Variants in NUP210 observed in about 807,000 individuals in gnomAD.
The protein encoded by NUP210 is nucleoporin 210, also known as nuclear pore membrane glycoprotein 210.
Under a neutral mutation model 196.0 loss-of-function variants are expected in NUP210, and 151 were observed. The observed-to-expected ratio is 0.77, with a 90% CI of 0.67 to 0.88. The LOEUF is 0.88. Ranked by LOEUF, NUP210 falls within the 40% of genes least tolerant of loss-of-function variation. The pLI, the probability that NUP210 is intolerant of heterozygous loss-of-function variation, is 0.00. For synonymous variants in NUP210, 1,070 were observed against 1,052.7 expected, an observed-to-expected ratio of 1.02 and a Z score of -0.32; for missense variants, 2,314 against 2,493.7, an observed-to-expected ratio of 0.93 and a Z score of 1.53.
intron 31 of NUP210, among the ~76,000 whole-genome samples, chr3:13,328,057 C>T (rs932667804): frequency 1.3e-5 from 2 of 152,192 alleles, no homozygotes; most frequent in African/African-American, 4.8e-5. Flanking sequence ...ACCTTCTGAC[C>T]CTGAGTGCTG....
rs1240541659 is a variant in NUP210 at position 13,371,853 on chromosome 3, A to G, written c.1767T>C (p.Gly589=). 5 of 1,607,528 alleles carry G rather than the reference A, an allele frequency of 3.1e-6. No homozygotes were observed. The highest frequency in any genetic ancestry group is 4.2e-6 in the Non-Finnish European group (5 of 1,177,758). The stretch of plus-strand genomic sequence containing the variant: ...GTTTACCTGGGAGTGGCTGGAACAC[A>G]CCCTGGTTCTCCACCTCGACAGCCA... ...FDLAVEVENQ[G]VFQPLPGRLP... Residue 589 remains glycine, a synonymous_variant, in exon 13 of 40, where the codon GGT becomes GGC. Transcript: ENST00000254508.
Position 13,397,475 on chromosome 3 carries a change from G to A in NUP210, c.318C>T (p.Val106=). ...IFAEDITTGQ[V]LRCDAIVDLI... ...GGTCCACAATGGCATCACAGCGCAG[G>A]ACCTGGCCTGTGGCTGGAGGAACCC... Residue 106 remains valine, a synonymous_variant, in exon 3 of 40, where the codon GTC becomes GTT. Transcript: ENST00000254508. The A allele has an allele frequency of 1.2e-6, 2 of 1,601,974 alleles. No individual in the cohort carries two copies. The highest frequency in any genetic ancestry group is 1.7e-6 in the Non-Finnish European group (2 of 1,174,772).
chr3:13,318,123 G>A (rs1162395438), intron 39 of NUP210, among the ~76,000 whole-genome samples: 2 of 152,196 alleles, frequency 1.3e-5, no homozygotes, highest in East Asian at 1.9e-4. Context: ...AGCGCCACAG[G>A]AACAAAGACC....
intron 13 of NUP210, among the ~76,000 whole-genome samples, chr3:13,367,752 T>C (rs1698590333): frequency 6.6e-6 from 1 of 152,246 alleles, no homozygotes; most frequent in Non-Finnish European, 1.5e-5. Flanking sequence ...GAAGATCCTT[T>C]GTCCACATTC....
intron 3 of NUP210, among the ~76,000 whole-genome samples, chr3:13,393,226 C>T (rs1699547750): frequency 1.3e-5 from 2 of 152,158 alleles, no homozygotes; most frequent in South Asian, 4.1e-4. Context: ...CCAGTGTTCA[C>T]AACGGTCCGC....
intron 31 of NUP210, among the ~76,000 whole-genome samples, 154 bp from the exon 32 acceptor site, chr3:13,327,591 C>T (rs13085948): frequency 0.28 from 42,735 of 152,132 alleles, 6,400 homozygotes; most frequent in Middle Eastern, 0.35. Flanking sequence ...AAGCAGTGGC[C>T]CCAGATGAGG....
chr3:13,345,669 C>T (rs775041033), intron 20 of NUP210, among the ~76,000 whole-genome samples: 5 of 152,156 alleles, frequency 3.3e-5, no homozygotes, highest in African/African-American at 9.7e-5. Context: ...ATAAAGATCC[C>T]GGAGTGGACA....
intron 20 of NUP210, chr3:13,344,935 G>A (rs989122029): frequency 2.0e-6 from 2 of 985,426 alleles, no homozygotes; most frequent in Non-Finnish European, 2.4e-6. Context: ...ATCCACGTCA[G>A]CTCCTCCAGC....
intron 14 of NUP210, among the ~76,000 whole-genome samples, chr3:13,364,451 A>G (rs554744309): frequency 1.1e-4 from 16 of 152,280 alleles, no homozygotes; most frequent in Non-Finnish European, 2.1e-4. Context: ...ATTTCCTCAC[A>G]CGTTCATTCT....
chr3:13,337,130 G>A (rs878873397), intron 26 of NUP210: 26 of 471,420 alleles, frequency 5.5e-5, no homozygotes, highest in South Asian at 4.1e-4. Flanking sequence ...CCCCTGCAGC[G>A]GGCTGCACCT....
rs1175443791 is a variant in NUP210, at chr3:13,341,754, C to T, written c.3222G>A (p.Gln1074=). ...TGGGAAGAACTCGTCTTACTTCAAT[C>T]TGTTGTGGGGCTGAGTTGATTCTCT... is the stretch of plus-strand genomic sequence containing the variant. The part of the protein sequence containing the change: ...AGQRINSAPQ[Q]IEVFPPFRLM... Residue 1074 remains glutamine, a synonymous_variant, in exon 23 of 40, where the codon CAG becomes CAA. Coordinates refer to ENST00000254508, the MANE Select transcript of NUP210 (RefSeq NM_024923.4). The T allele has an allele frequency of 1.2e-6, 2 of 1,614,088 alleles. No individual in the cohort carries two copies. Among genetic ancestry groups the T allele is most frequent in the Non-Finnish European group, 1.7e-6 (2 of 1,180,034 alleles).
chr3:13,367,246 G>A (rs1164365585), intron 13 of NUP210, among the ~76,000 whole-genome samples: 1 of 152,074 alleles, frequency 6.6e-6, no homozygotes, highest in Non-Finnish European at 1.5e-5. Context: ...AGACTAGCCT[G>A]ACCAACATGG....
intron 33 of NUP210, among the ~76,000 whole-genome samples, chr3:13,324,818 A>ACAGCAG (rs1027154996): frequency 6.6e-6 from 1 of 152,132 alleles, no homozygotes; most frequent in Non-Finnish European, 1.5e-5. Flanking sequence ...TCACCCTGGA[A>ACAGCAG]CAGCAGCAGC....
chr3:13,348,540 A>G lies in NUP210; in HGVS notation c.2835+3339T>C, dbSNP rs1446931628. ...TTTCCAAAAATAAACAAAACAAGGCATATGTCAAGCAGTCAGAATTAAGAT... is the reference window on the plus strand; with the variant it reads ...TTTCCAAAAATAAACAAAACAAGGCGTATGTCAAGCAGTCAGAATTAAGAT... On this transcript the variant is annotated intron_variant, in intron 20 of 39. Transcript: ENST00000254508. The surrounding 1 kb of genome is among the most constrained non-coding windows in gnomAD (Gnocchi z 4.0). The G allele has an allele frequency of 1.0e-6, 1 of 985,342 alleles. No individual in the cohort carries two copies. Among genetic ancestry groups the G allele is most frequent in the Non-Finnish European group, 1.2e-6 (1 of 829,940 alleles). The allele number at this position is 985,342 out of a possible 1,614,324, so 61.0% of individuals were successfully genotyped here. A position where few individuals can be genotyped will look rare whatever the true frequency, so the allele number is the denominator to read the frequency against.
At chr3:13,405,051 T>C (rs1699961279) in intron 1 of NUP210, among the ~76,000 whole-genome samples, 1 of 152,034 alleles carries the variant, frequency 6.6e-6, no homozygotes, top group Admixed American at 6.6e-5. Context: ...AATAAAAGTG[T>C]GCTGGTGGAG....
At chr3:13,334,839 G>A (rs928429808) in intron 28 of NUP210, among the ~76,000 whole-genome samples, 7 of 152,156 alleles carry the variant, frequency 4.6e-5, no homozygotes, top group South Asian at 2.1e-4. Flanking sequence ...ACCACTAGAC[G>A]CAGTCCTGAC....
intron 33 of NUP210, among the ~76,000 whole-genome samples, chr3:13,324,310 G>A (rs1215945606): frequency 6.6e-6 from 1 of 151,776 alleles, no homozygotes; most frequent in East Asian, 1.9e-4. Flanking sequence ...TGGAGTGCCC[G>A]TGCACTCCCA....
Position 13,348,624 on chromosome 3 carries a change from A to C in NUP210, c.2835+3255T>G, listed in dbSNP as rs1697843961. The stretch of plus-strand genomic sequence containing the variant: ...GAGCTGGGGAATTGTTCTTTCTTCT[A>C]TGAGGGGATAAGAATGCTTAGGAGA... On this transcript the variant is annotated intron_variant, in intron 20 of 39. Coordinates refer to ENST00000254508, the MANE Select transcript of NUP210 (RefSeq NM_024923.4). This position sits in a 1 kb window ranked among gnomAD's most constrained non-coding sequence, Gnocchi z 4.0. The C allele has an allele frequency of 2.0e-6, 2 of 985,414 alleles. No individual in the cohort carries two copies. The highest frequency in any genetic ancestry group is 9.4e-5 in the South Asian group (2 of 21,282). The allele number at this position is 985,414 out of a possible 1,614,324, so 61.0% of individuals were successfully genotyped here.
chr3:13,412,821 A>AAAG (rs1700221755), intron 1 of NUP210, among the ~76,000 whole-genome samples: 1 of 146,884 alleles, frequency 6.8e-6, no homozygotes, highest in Non-Finnish European at 1.5e-5. Flanking sequence ...AATACAAAAA[A>AAAG]TTAGCTGGGC....
Sources: gnomAD v4.1 joint callset for allele counts (sites outside exome capture counted in the v4.1 genomes callset) on GRCh38, gnomAD v4.1.1 for gene constraint, Gnocchi (gnomAD v3.1) non-coding constraint, MANE v1.5 for transcripts, NCBI Gene and HGNC (gene_info 2026-07-23, HGNC 2026-07-21) for gene names.